SLA2: variants seen among roughly 807,000 people sequenced by gnomAD.
SLA2 encodes the protein Src like adaptor 2, also known as src-like-adapter 2.
SLA2 carries 22 observed loss-of-function variants against 27.3 expected under a neutral mutation model. The observed-to-expected ratio is 0.81, with a 90% confidence interval of 0.58 to 1.15. The LOEUF (loss-of-function observed/expected upper bound fraction) is 1.15. Among genes scored for constraint, SLA2 ranks in the 50% most tolerant of loss-of-function variants. The pLI is 0.00. For synonymous variants in SLA2, 131 were observed against 137.8 expected, an observed-to-expected ratio of 0.95 and a Z score of 0.34; for missense variants, 304 against 322.2, an observed-to-expected ratio of 0.94 and a Z score of 0.43.
chr20:36,637,871 C>T (rs1266877255), intron 2 of SLA2, among the ~76,000 whole-genome samples: 1 of 147,368 alleles, frequency 6.8e-6, no homozygotes, highest in African/African-American at 2.5e-5. Context: ...TCAGGTCTGC[C>T]TGCCTCGGCC....
rs750156228 is a variant in SLA2, at chr20:36,614,354, G to A, written c.616C>T (p.Leu206=). 3 of 1,614,188 alleles carry A rather than the reference G, an allele frequency of 1.9e-6. No individual in the cohort carries two copies. The highest frequency in any genetic ancestry group is 1.3e-5 in the African/African-American group (1 of 75,050). ...GGTGTCCTCTGCACAGTCACAGGTA[G>A]GGGTATATCCTTGCCAGGGAGCGGG... ...AGPLPGKDIP[L]PVTVQRTPLN... The change falls in exon 7 of 8, where the codon CTA becomes TTA. Residue 206 remains leucine, a synonymous_variant. Coordinates refer to ENST00000262866, the MANE Select transcript of SLA2 (RefSeq NM_032214.4).
At chr20:36,618,338 G>A (rs1217901599) in intron 5 of SLA2, among the ~76,000 whole-genome samples, 1 of 151,712 alleles carries the variant, frequency 6.6e-6, no homozygotes, top group Non-Finnish European at 1.5e-5. Flanking sequence ...TCAGGTTCAG[G>A]TGATTCTCCT....
At chr20:36,620,019 T>G (rs1174951571) in intron 5 of SLA2, among the ~76,000 whole-genome samples, 1 of 151,538 alleles carries the variant, frequency 6.6e-6, no homozygotes, top group Non-Finnish European at 1.5e-5. Context: ...GAGAATCACA[T>G]GAACCCAGGA....
At chr20:36,640,970 G>C (rs1167970247) in intron 2 of SLA2, among the ~76,000 whole-genome samples, 1 of 152,160 alleles carries the variant, frequency 6.6e-6, no homozygotes, top group Non-Finnish European at 1.5e-5. Context: ...AAATGCCTGG[G>C]GGACTGTCAT....
In SLA2 at chr20:36,617,926, T is replaced by G. The variant is rs375363363; in HGVS notation, c.383-2552A>C. Among the ~76,000 whole-genome samples the G allele has an allele frequency of 9.9e-5, 15 of 151,412 alleles. No individual in the cohort carries two copies. The East Asian group carries it at 1.2e-3, about 12-fold the overall frequency. ...ACTTTGAGAGGCTGAGGCAGGCAGA[T>G]CACGAGGTCAGGAGATCAAGATCAT... On this transcript the variant is annotated intron_variant, in intron 5 of 7. Coordinates refer to ENST00000262866, the MANE Select transcript of SLA2 (RefSeq NM_032214.4).
chr20:36,620,698 T>C (rs1043602561), intron 5 of SLA2, among the ~76,000 whole-genome samples: 1 of 151,396 alleles, frequency 6.6e-6, no homozygotes, highest in Non-Finnish European at 1.5e-5. Context: ...GCCTCCTGAG[T>C]AGCTGGGATT....
At chr20:36,619,662 GCT>G (rs1343471188) in intron 5 of SLA2, among the ~76,000 whole-genome samples, 1 of 144,690 alleles carries the variant, frequency 6.9e-6, no homozygotes, top group Non-Finnish European at 1.5e-5. Flanking sequence ...ACAGAGTCTC[GCT>G]CTCTCACCCA....
chr20:36,632,034 A>G (rs1163629818), intron 5 of SLA2, among the ~76,000 whole-genome samples: 2 of 152,096 alleles, frequency 1.3e-5, no homozygotes, highest in African/African-American at 2.4e-5. Flanking sequence ...CTCTACTTCT[A>G]AGCAGGTGGC....
chr20:36,639,596 G>GT, intron 2 of SLA2, among the ~76,000 whole-genome samples: 1 of 152,076 alleles, frequency 6.6e-6, no homozygotes, highest in Non-Finnish European at 1.5e-5. Flanking sequence ...GCTCACGCCT[G>GT]TAATCCCAGC....
chr20:36,620,429 G>T, intron 5 of SLA2: 1 of 214,572 alleles, frequency 4.7e-6, no homozygotes, highest in East Asian at 1.5e-4. Context: ...AATATAATTT[G>T]AGAGACCTCT....
At chr20:36,619,603 A>AC (rs1397935945) in intron 5 of SLA2, among the ~76,000 whole-genome samples, 1 of 145,212 alleles carries the variant, frequency 6.9e-6, no homozygotes, top group Non-Finnish European at 1.5e-5. Context: ...CAACATAGAG[A>AC]CCCCCTTCCC....
intron 5 of SLA2, among the ~76,000 whole-genome samples, chr20:36,616,239 A>AG (rs533005513): frequency 2.0e-5 from 3 of 151,888 alleles, no homozygotes; most frequent in Non-Finnish European, 4.4e-5. Flanking sequence ...AGTGCTGCTC[A>AG]ACCTACATGT....
At chr20:36,631,834 T>C (rs906860042) in intron 5 of SLA2, among the ~76,000 whole-genome samples, 1 of 152,136 alleles carries the variant, frequency 6.6e-6, no homozygotes, top group African/African-American at 2.4e-5. Context: ...TGGAGAAGCA[T>C]TTGCTGAATG....
At chr20:36,619,510 A>T (rs2039256235) in intron 5 of SLA2, among the ~76,000 whole-genome samples, 2 of 151,370 alleles carry the variant, frequency 1.3e-5, no homozygotes, top group African/African-American at 4.9e-5. Context: ...TGGGCAATAT[A>T]GCAAGACTCT....
chr20:36,633,679 C>G (rs955497161), intron 3 of SLA2, 50 bp from the exon 4 acceptor site: 11 of 1,489,348 alleles, frequency 7.4e-6, no homozygotes, highest in Non-Finnish European at 1.0e-5. Context: ...GCCAAGGCCC[C>G]GACAACCACA....
chr20:36,629,708 A>T (rs2039374690), intron 5 of SLA2, among the ~76,000 whole-genome samples: 2 of 152,084 alleles, frequency 1.3e-5, no homozygotes, highest in Admixed American at 6.6e-5. Flanking sequence ...CAGGACGTGG[A>T]GGTTGCAGTG....
In SLA2 at chr20:36,632,708, C is replaced by T. The variant is rs763119758; in HGVS notation, c.279-10G>A. 6.2e-6 allele frequency: 10 copies of T among 1,610,730 alleles called. No homozygotes were observed. Among genetic ancestry groups the T allele is most frequent in the Middle Eastern group, 1.6e-4 (1 of 6,076 alleles). On this transcript the variant is annotated splice_polypyrimidine_tract_variant and intron_variant, in intron 4 of 7. Transcript: ENST00000262866. ...GCCCTCATACAGCCACCTGGCGGAG[C>T]GAAAGAGAGGGACAAGGGACAGGGT... is the stretch of plus-strand genomic sequence containing the variant.
At chr20:36,632,844 T>C (rs1452397011) in intron 4 of SLA2, 146 bp from the exon 5 acceptor site, 1 of 660,894 alleles carries the variant, frequency 1.5e-6, no homozygotes, top group Non-Finnish European at 2.6e-6. Context: ...AGAGCTGGGC[T>C]CAGGGTCTCC....
rs538352982 is a variant in SLA2 at position 36,614,081 on chromosome 20, C to G, written c.666-95G>C. 151 of 1,548,334 alleles carry G rather than the reference C, an allele frequency of 9.8e-5. No homozygotes were observed. In the African/African-American group the frequency reaches 1.8e-3, roughly 18 times the overall value. ...TGCACTGTTCTCAAAACCCTTCACT[C>G]CTGCTGAGGACCTCATGGGGCTCCC... On this transcript the variant is annotated intron_variant, in intron 7 of 7. Coordinates refer to ENST00000262866, the MANE Select transcript of SLA2 (RefSeq NM_032214.4).
Sources: gnomAD v4.1 joint callset for allele counts (sites outside exome capture counted in the v4.1 genomes callset) on GRCh38, gnomAD v4.1.1 for gene constraint, MANE v1.5 for transcripts, NCBI Gene and HGNC (gene_info 2026-07-23, HGNC 2026-07-21) for gene names.